PRKCB: variants seen among roughly 807,000 people sequenced by gnomAD.
PRKCB encodes the protein protein kinase C beta type.
A neutral mutation model predicts 81.5 loss-of-function variants in PRKCB; 13 were observed. That is an observed-to-expected ratio of 0.16 (90% CI 0.10 to 0.25). PRKCB has a LOEUF of 0.25. PRKCB is among the 10% of genes least tolerant of loss of function. The pLI is 1.00. For synonymous variants in PRKCB, 335 were observed against 321.4 expected (o/e 1.04, Z -0.45); for missense variants, 509 against 875.7 (o/e 0.58, Z 5.29).
chr16:23,996,154 A>G (rs1314651100), intron 3 of PRKCB, among the ~76,000 whole-genome samples: 2 of 152,274 alleles, frequency 1.3e-5, no homozygotes, highest in East Asian at 3.9e-4. Context: ...GTGTGGATAG[A>G]CATCTCTGAG....
At position 24,105,631 on chromosome 16, in the gene PRKCB, G is replaced by T. The variant is rs543734513; in HGVS notation, c.822-7342G>T. The stretch of plus-strand genomic sequence containing the variant: ...TATGAGTGAGAACATGCAGTGTTTG[G>T]TTTTCTGTTTCTGTGTTAGTTTGCT... On this transcript the variant is annotated intron_variant, in intron 7 of 16. Coordinates refer to ENST00000643927, the MANE Select transcript of PRKCB (RefSeq NM_002738.7). Among the ~76,000 whole-genome samples, 71 of 152,208 alleles carry T rather than the reference G, an allele frequency of 4.7e-4. 1 individual carries two copies. The highest frequency in any genetic ancestry group is 4.6e-4 in the Non-Finnish European group (31 of 68,030).
chr16:23,940,446 T>C (rs985012470), intron 2 of PRKCB, among the ~76,000 whole-genome samples: 3 of 151,904 alleles, frequency 2.0e-5, no homozygotes, highest in African/African-American at 7.3e-5. Flanking sequence ...TAAGGTGAAC[T>C]GGAGTAAGAA....
intron 3 of PRKCB, among the ~76,000 whole-genome samples, chr16:24,021,231 T>TTTCC (rs1333275777): frequency 0.015 from 205 of 13,596 alleles, 6 homozygotes; most frequent in African/African-American, 0.05. Flanking sequence ...TCTTTCTTTC[T>TTTCC]TTCCTTCCTT....
intron 5 of PRKCB, among the ~76,000 whole-genome samples, chr16:24,045,327 A>G (rs1403015857): frequency 1.3e-5 from 2 of 152,054 alleles, no homozygotes; most frequent in Non-Finnish European, 2.9e-5. Context: ...ACTAGCTTCC[A>G]TCTTGTGTAG....
Position 24,129,849 on chromosome 16 carries a change from A to G in PRKCB, c.1065+5868A>G, listed in dbSNP as rs917476024. 2.6e-5 allele frequency among the ~76,000 whole-genome samples: 4 copies of G among 152,238 alleles called. No individual in the cohort carries two copies. In the South Asian group the frequency reaches 6.2e-4, roughly 24 times the overall value. On this transcript the variant is annotated intron_variant, in intron 9 of 16. Coordinates refer to ENST00000643927, the MANE Select transcript of PRKCB (RefSeq NM_002738.7). ...CCAATTCCTTTTATGTAATATACTC[A>G]TGGTCCCTGCTTTCATTAAACTTTT...
At chr16:23,876,251 A>G (rs975190733) in intron 2 of PRKCB, among the ~76,000 whole-genome samples, 1 of 152,230 alleles carries the variant, frequency 6.6e-6, no homozygotes, top group African/African-American at 2.4e-5. Flanking sequence ...ACAATTATAT[A>G]CGTAATTTTA....
intron 10 of PRKCB, among the ~76,000 whole-genome samples, chr16:24,162,206 G>C (rs1967267538): frequency 6.6e-6 from 1 of 152,070 alleles, no homozygotes; most frequent in South Asian, 2.1e-4. Context: ...CCCACATGTA[G>C]AGTGGACCCC....
rs144330343 is a variant in PRKCB at position 23,844,799 on chromosome 16, G to A, written c.205+7393G>A. Among the ~76,000 whole-genome samples the A allele has an allele frequency of 7.4e-5, 11 of 149,584 alleles. No homozygotes were observed. The East Asian group carries it at 8.0e-4, about 11-fold the overall frequency. The stretch of plus-strand genomic sequence containing the variant: ...TGAGATTATAGGCGTGAGCCACCGC[G>A]CCCAGTCTCTTTTTTTTGTTTAGAC... On this transcript the variant is annotated intron_variant, in intron 2 of 16. Coordinates refer to ENST00000643927, the MANE Select transcript of PRKCB (RefSeq NM_002738.7).
chr16:23,960,636 C>T (rs906676034), intron 2 of PRKCB, among the ~76,000 whole-genome samples: 1 of 152,220 alleles, frequency 6.6e-6, no homozygotes, highest in South Asian at 2.1e-4. Flanking sequence ...TCCCTCCCCA[C>T]TCTGACATGG....
chr16:24,107,968 T>C (rs1381953474), intron 7 of PRKCB, among the ~76,000 whole-genome samples: 1 of 152,216 alleles, frequency 6.6e-6, no homozygotes. Flanking sequence ...GTCAGTGTTC[T>C]TTCAGTTCTT....
At chr16:24,004,421 C>A (rs536526497) in intron 3 of PRKCB, among the ~76,000 whole-genome samples, 13 of 147,748 alleles carry the variant, frequency 8.8e-5, no homozygotes, top group African/African-American at 3.0e-4. Context: ...CCCAGCAGAT[C>A]ACTTGAGCTC....
At chr16:24,092,093 C>T (rs1267338828) in intron 5 of PRKCB, among the ~76,000 whole-genome samples, 1 of 152,176 alleles carries the variant, frequency 6.6e-6, no homozygotes, top group African/African-American at 2.4e-5. Context: ...CAGTGTTGGA[C>T]AACCATCATC....
At chr16:24,110,585 T>C (rs1966664008) in intron 7 of PRKCB, among the ~76,000 whole-genome samples, 1 of 143,586 alleles carries the variant, frequency 7.0e-6, no homozygotes, top group South Asian at 2.2e-4. Flanking sequence ...GGTGCAATAA[T>C]AGCTCACTGC....
chr16:23,889,380 G>A (rs777425762), intron 2 of PRKCB, among the ~76,000 whole-genome samples: 2 of 152,242 alleles, frequency 1.3e-5, no homozygotes, highest in African/African-American at 2.4e-5. Flanking sequence ...TAAAGGTTAT[G>A]TGAGTCAGTA....
At chr16:24,127,482 CT>C (rs1482905558) in intron 9 of PRKCB, among the ~76,000 whole-genome samples, 3 of 148,242 alleles carry the variant, frequency 2.0e-5, no homozygotes, top group Admixed American at 6.7e-5. Context: ...TCCAGTCCCC[CT>C]GAGCTAATTT....
chr16:24,045,684 C>CG (rs1344873611), intron 5 of PRKCB, among the ~76,000 whole-genome samples: 1 of 152,200 alleles, frequency 6.6e-6, no homozygotes, highest in Non-Finnish European at 1.5e-5. Flanking sequence ...TGCATCCCAT[C>CG]GGCATTACCT....
chr16:24,167,921 T>C (rs2283548), intron 10 of PRKCB, among the ~76,000 whole-genome samples: 26,015 of 152,234 alleles, frequency 0.17, 2,638 homozygotes, highest in South Asian at 0.33. Flanking sequence ...ACTTGTCACA[T>C]TGAGTTTTGT....
rs117913779 is a variant in PRKCB, at chr16:23,908,441, G to A, written c.205+71035G>A. Among the ~76,000 whole-genome samples, 182 of 152,278 alleles carry A rather than the reference G, an allele frequency of 1.2e-3. 2 individuals carry two copies. In the East Asian group the frequency reaches 0.025, roughly 21 times the overall value. On this transcript the variant is annotated intron_variant, in intron 2 of 16. Coordinates refer to ENST00000643927, the MANE Select transcript of PRKCB (RefSeq NM_002738.7). ...CCACCTGAGCGTCCTCCCCAGGTGC[G>A]GCTCTAACACAGGTGCAGGTTATGT... is the stretch of plus-strand genomic sequence containing the variant.
chr16:23,862,163 G>A (rs1567293032), intron 2 of PRKCB, among the ~76,000 whole-genome samples: 1 of 152,198 alleles, frequency 6.6e-6, no homozygotes. Context: ...GTATTTCTCT[G>A]AAAAGCATTG....
Sources: allele counts gnomAD v4.1 joint callset (sites outside exome capture counted in the v4.1 genomes callset), GRCh38; gene constraint gnomAD v4.1.1; transcripts MANE v1.5; gene names NCBI Gene and HGNC (gene_info 2026-07-23, HGNC 2026-07-21).